Variants in SLC4A10 observed in about 807,000 individuals in gnomAD.
SLC4A10 encodes the protein solute carrier family 4 member 10.
In SLC4A10, 42 loss-of-function variants were observed where a neutral mutation model predicts 137.7. The observed-to-expected ratio is 0.30, with a 90% CI of 0.24 to 0.39. The LOEUF (loss-of-function observed/expected upper bound fraction) is 0.39. SLC4A10 is among the 10% of genes least tolerant of loss of function. The pLI, the probability that SLC4A10 is intolerant of heterozygous loss-of-function variation, is 1.00. For missense variants in SLC4A10, 925 were observed against 1,355.0 expected (o/e 0.68, Z 4.98); for synonymous variants, 474 against 464.1 (o/e 1.02, Z -0.27).
intron 3 of SLC4A10, among the ~76,000 whole-genome samples, chr2:161,818,107 C>T (rs1373754054): frequency 1.3e-5 from 2 of 152,262 alleles, no homozygotes; most frequent in East Asian, 3.9e-4. Context: ...TCTTCCTACC[C>T]ATGAGCATGG....
chr2:161,792,462 G>A (rs1168645960), intron 2 of SLC4A10, among the ~76,000 whole-genome samples: 1 of 146,862 alleles, frequency 6.8e-6, no homozygotes, highest in African/African-American at 2.5e-5. Context: ...ACTTAAATAT[G>A]TTCTTATTTA....
intron 11 of SLC4A10, among the ~76,000 whole-genome samples, chr2:161,899,423 T>G (rs151198548): frequency 3.9e-5 from 6 of 152,150 alleles, no homozygotes; most frequent in Non-Finnish European, 7.4e-5. Context: ...TCCAAGAGGC[T>G]TTTGCCCCTA....
intron 10 of SLC4A10, among the ~76,000 whole-genome samples, chr2:161,894,022 A>C (rs557470424): frequency 6.6e-6 from 1 of 152,136 alleles, no homozygotes; most frequent in East Asian, 1.9e-4. Flanking sequence ...CACCATCATA[A>C]AGTCAAAAGA....
intron 4 of SLC4A10, among the ~76,000 whole-genome samples, chr2:161,849,145 A>G (rs2059676135): frequency 6.6e-6 from 1 of 151,904 alleles, no homozygotes; most frequent in Non-Finnish European, 1.5e-5. Flanking sequence ...ATTCCTAGGT[A>G]TTTTATGATT....
At chr2:161,795,440 C>T (rs2054660068) in intron 2 of SLC4A10, among the ~76,000 whole-genome samples, 1 of 152,048 alleles carries the variant, frequency 6.6e-6, no homozygotes, top group Non-Finnish European at 1.5e-5. Flanking sequence ...ATGTATACAA[C>T]TCAATGAGTT....
At chr2:161,697,391 C>G (rs1049737538) in intron 1 of SLC4A10, among the ~76,000 whole-genome samples, 5 of 152,058 alleles carry the variant, frequency 3.3e-5, no homozygotes, top group Non-Finnish European at 5.9e-5. Flanking sequence ...ATGCCTATGT[C>G]CTGAATGGTA....
intron 1 of SLC4A10, among the ~76,000 whole-genome samples, chr2:161,760,441 A>G (rs1319662136): frequency 6.6e-6 from 1 of 152,016 alleles, no homozygotes; most frequent in African/African-American, 2.4e-5. Context: ...ATCCTGTCCC[A>G]GGGTTTGAGA....
intron 26 of SLC4A10, among the ~76,000 whole-genome samples, chr2:161,979,386 T>A (rs1384956315): frequency 6.6e-6 from 1 of 152,226 alleles, no homozygotes; most frequent in Admixed American, 6.5e-5. Context: ...CAATAGACTA[T>A]CCTTTATATT....
chr2:161,933,563 A>T (rs1328478621), intron 15 of SLC4A10, among the ~76,000 whole-genome samples: 1 of 151,926 alleles, frequency 6.6e-6, no homozygotes, highest in African/African-American at 2.4e-5. Context: ...TGCCTAATTT[A>T]AAAAATTTGT....
chr2:161,928,864 T>A (rs1164174603), intron 15 of SLC4A10, among the ~76,000 whole-genome samples: 2 of 152,128 alleles, frequency 1.3e-5, no homozygotes, highest in African/African-American at 4.8e-5. Flanking sequence ...ATACAGTAGC[T>A]ACAGAAAACA....
At chr2:161,838,284 A>T (rs2058945035) in intron 3 of SLC4A10, among the ~76,000 whole-genome samples, 1 of 18,114 alleles carries the variant, frequency 5.5e-5, no homozygotes, top group Non-Finnish European at 1.2e-4. Context: ...TGCAAAAAAT[A>T]AAAAAAAACC....
chr2:161,895,202 T>C (rs547052862), intron 11 of SLC4A10, among the ~76,000 whole-genome samples: 1 of 152,206 alleles, frequency 6.6e-6, no homozygotes, highest in South Asian at 2.1e-4. Flanking sequence ...CTGAGAATGA[T>C]GATTTCCAAT....
At chr2:161,928,817 T>C (rs1251544241) in intron 15 of SLC4A10, among the ~76,000 whole-genome samples, 6 of 152,072 alleles carry the variant, frequency 3.9e-5, no homozygotes, top group Non-Finnish European at 8.8e-5. Context: ...GCCATGCGTA[T>C]AGCAACTGTA....
At chr2:161,698,873 A>T (rs189509871) in intron 1 of SLC4A10, among the ~76,000 whole-genome samples, 2 of 152,292 alleles carry the variant, frequency 1.3e-5, no homozygotes, top group African/African-American at 2.4e-5. Flanking sequence ...GAGTAGTTTC[A>T]GAAGGAATGG....
At chr2:161,717,785 G>A (rs1574534668) in intron 1 of SLC4A10, among the ~76,000 whole-genome samples, 1 of 152,086 alleles carries the variant, frequency 6.6e-6, no homozygotes, top group East Asian at 1.9e-4. Context: ...AGGTTTTGGT[G>A]TGAGGATGAC....
intron 1 of SLC4A10, among the ~76,000 whole-genome samples, chr2:161,661,278 T>C (rs1250490646): frequency 1.3e-5 from 2 of 152,002 alleles, no homozygotes; most frequent in Admixed American, 6.6e-5. Context: ...ATCGAGAGAC[T>C]ATCCTGGCCA....
Position 161,977,666 on chromosome 2 carries a change from C to T in SLC4A10, c.3345-56C>T, listed in dbSNP as rs1488931790. The T allele has an allele frequency of 1.4e-5, 20 of 1,475,126 alleles. No individual in the cohort carries two copies. In the East Asian group the frequency reaches 1.4e-4, roughly 10 times the overall value. 91.4% of individuals were successfully genotyped at this position (1,475,126 alleles called of 1,614,324 possible). On this transcript the variant is annotated intron_variant, in intron 25 of 26. Coordinates refer to ENST00000446997, the MANE Select transcript of SLC4A10 (RefSeq NM_001178015.2). ...TATAATTATAAAGTTCCTTTATTTT[C>T]GTAACCTTAAATTAACTTTTTCTAC...
chr2:161,650,855 C>T (rs529598284), intron 1 of SLC4A10, among the ~76,000 whole-genome samples: 51 of 152,222 alleles, frequency 3.4e-4, no homozygotes, highest in Middle Eastern at 3.4e-3. Context: ...TGTACCTCAG[C>T]AGGAACAGCC....
At chr2:161,858,650 G>A (rs2060232460) in intron 5 of SLC4A10, among the ~76,000 whole-genome samples, 1 of 152,022 alleles carries the variant, frequency 6.6e-6, no homozygotes, top group South Asian at 2.1e-4. Flanking sequence ...GAATTTTATG[G>A]TCTATGTTAA....
Sources: allele counts gnomAD v4.1 joint callset (sites outside exome capture counted in the v4.1 genomes callset), GRCh38; gene constraint gnomAD v4.1.1; transcripts MANE v1.5; gene names NCBI Gene and HGNC (gene_info 2026-07-23, HGNC 2026-07-21).